The following UBE2E1 variants were observed in gnomAD, a reference collection of about 807,000 sequenced individuals.
UBE2E1 encodes ubiquitin conjugating enzyme E2 E1.
A neutral mutation model predicts 21.4 loss-of-function variants in UBE2E1; 6 were observed. That is an observed-to-expected ratio of 0.28 (90% CI 0.15 to 0.55). The LOEUF is 0.55. Ranked by LOEUF, UBE2E1 falls within the 20% of genes least tolerant of loss-of-function variation. The probability of loss-of-function intolerance (pLI) is 0.93; values close to 1 mark genes in which losing one functional copy is unlikely to be tolerated. For synonymous variants in UBE2E1, 87 were observed against 82.7 expected (o/e 1.05, Z -0.28); for missense variants, 142 against 236.5 (o/e 0.60, Z 2.62).
At chr3:23,812,938 G>A (rs115563272) in intron 3 of UBE2E1, among the ~76,000 whole-genome samples, 28 of 151,804 alleles carry the variant, frequency 1.8e-4, no homozygotes, top group African/African-American at 6.5e-4. Flanking sequence ...TTGTGAATAA[G>A]CACAGTCAAA....
intron 3 of UBE2E1, among the ~76,000 whole-genome samples, chr3:23,864,958 G>A (rs953414600): frequency 3.9e-5 from 6 of 152,204 alleles, no homozygotes; most frequent in Non-Finnish European, 7.3e-5. Context: ...CTGGTGCAGA[G>A]ACCCTCTGTT....
At chr3:23,815,723 A>G (rs1330233403) in intron 3 of UBE2E1, among the ~76,000 whole-genome samples, 1 of 152,228 alleles carries the variant, frequency 6.6e-6, no homozygotes, top group African/African-American at 2.4e-5. Flanking sequence ...TTGTTTGGGT[A>G]TAAGAAATAG....
chr3:23,879,688 C>G (rs1700992378), intron 3 of UBE2E1, among the ~76,000 whole-genome samples: 2 of 152,190 alleles, frequency 1.3e-5, no homozygotes, highest in Admixed American at 1.3e-4. Flanking sequence ...CGGCGGAGGA[C>G]AGGGCACCAG....
chr3:23,863,553 G>A lies in UBE2E1; in HGVS notation c.204-24014G>A, dbSNP rs958892798. ...ATTTTACTTTTTATTTTTTTGAGAC[G>A]GAGTTTCGCTCTTGTTGCGCAGGCT... On this transcript the variant is annotated intron_variant, in intron 3 of 5. Coordinates refer to ENST00000306627, the MANE Select transcript of UBE2E1 (RefSeq NM_003341.5). This position sits in a 1 kb window ranked among gnomAD's most constrained non-coding sequence, Gnocchi z 4.3. 2.6e-5 allele frequency among the ~76,000 whole-genome samples: 4 copies of A among 152,004 alleles called. No individual in the cohort carries two copies. Among genetic ancestry groups the A allele is most frequent in the Non-Finnish European group, 5.9e-5 (4 of 68,000 alleles).
At chr3:23,880,280 G>A (rs1559493830) in intron 3 of UBE2E1, among the ~76,000 whole-genome samples, 1 of 152,226 alleles carries the variant, frequency 6.6e-6, no homozygotes, top group African/African-American at 2.4e-5. Context: ...CTACTCAGGA[G>A]GCTGAGGCAG....
At chr3:23,889,365 A>C in intron 5 of UBE2E1, 106 bp downstream of exon 5, 1 of 1,566,570 alleles carries the variant, frequency 6.4e-7, no homozygotes, top group East Asian at 2.3e-5. Flanking sequence ...CAAGTTTGTG[A>C]ATACAAAAAC....
intron 3 of UBE2E1, among the ~76,000 whole-genome samples, chr3:23,830,788 A>G (rs188987010): frequency 9.6e-4 from 147 of 152,346 alleles, no homozygotes; most frequent in African/African-American, 3.3e-3. Context: ...AACATCAGCA[A>G]ATCAGTATAT....
chr3:23,864,330 A>G (rs549283979), intron 3 of UBE2E1, among the ~76,000 whole-genome samples: 61 of 152,082 alleles, frequency 4.0e-4, no homozygotes, highest in African/African-American at 1.3e-3. Context: ...TGCCTTTTCA[A>G]TGTGGAAACT....
chr3:23,819,161 G>A (rs1211545936), intron 3 of UBE2E1, among the ~76,000 whole-genome samples: 1 of 152,128 alleles, frequency 6.6e-6, no homozygotes, highest in African/African-American at 2.4e-5. Flanking sequence ...GCACGCGCCT[G>A]TAGTCCCAGC....
chr3:23,838,921 T>C (rs1700026620), intron 3 of UBE2E1, among the ~76,000 whole-genome samples: 2 of 151,844 alleles, frequency 1.3e-5, no homozygotes, highest in African/African-American at 4.8e-5. Context: ...TTCTCTTCTG[T>C]ATTACCAGCT....
rs556172718 is a variant in UBE2E1 at position 23,818,351 on chromosome 3, C to T, written c.203+6841C>T. Among the ~76,000 whole-genome samples, 4 of 152,218 alleles carry T rather than the reference C, an allele frequency of 2.6e-5. No individual in the cohort carries two copies. The East Asian group carries it at 7.7e-4, about 29-fold the overall frequency. ...TTATTATTAAATCAGTCATTGAACT[C>T]CCAGATCTACATGGCCTACTTTTAG... On this transcript the variant is annotated intron_variant, in intron 3 of 5. Coordinates refer to ENST00000306627, the MANE Select transcript of UBE2E1 (RefSeq NM_003341.5).
intron 1 of UBE2E1, 103 bp from the exon 2 acceptor site, chr3:23,807,134 C>A: frequency 1.0e-6 from 1 of 954,968 alleles, no homozygotes; most frequent in Non-Finnish European, 1.5e-6. Flanking sequence ...CGGTGGGCGG[C>A]CGCGTGCGCC....
chr3:23,845,579 C>G (rs1382862444), intron 3 of UBE2E1, among the ~76,000 whole-genome samples: 9 of 51,642 alleles, frequency 1.7e-4, no homozygotes, highest in Non-Finnish European at 3.3e-4. Flanking sequence ...CTCTCTCTCT[C>G]TCTCTCTCTC....
At chr3:23,872,021 C>G (rs1399233693) in intron 3 of UBE2E1, among the ~76,000 whole-genome samples, 1 of 151,898 alleles carries the variant, frequency 6.6e-6, no homozygotes, top group African/African-American at 2.4e-5. Context: ...CCAAGGCAGG[C>G]GGGTGGGAGG....
chr3:23,811,386 C>G, intron 2 of UBE2E1, 74 bp from the exon 3 acceptor site: 1 of 1,448,132 alleles, frequency 6.9e-7, no homozygotes, highest in Admixed American at 1.7e-5. Context: ...ATCTGCAGAC[C>G]TGCACGCTAC....
Position 23,810,383 on chromosome 3 carries a change from G to A in UBE2E1, c.153-1077G>A. 1 of 1,520,410 alleles carries A rather than the reference G, an allele frequency of 6.6e-7. No homozygotes were observed. The highest frequency in any genetic ancestry group is 8.8e-7 in the Non-Finnish European group (1 of 1,133,892). 94.2% of individuals were successfully genotyped at this position (1,520,410 alleles called of 1,614,324 possible). A position where few individuals can be genotyped will look rare whatever the true frequency, so the allele number is the denominator to read the frequency against. ...GCCTGGTGGCTTCGGCCTATGAGTG[G>A]GGGATGGGGCCCTTTGTGAAGTCGA... On this transcript the variant is annotated intron_variant, in intron 2 of 5. Transcript: ENST00000306627. This position sits in a 1 kb window ranked among gnomAD's most constrained non-coding sequence, Gnocchi z 5.8.
chr3:23,857,113 GAC>G (rs1700459815), intron 3 of UBE2E1, among the ~76,000 whole-genome samples: 1 of 152,052 alleles, frequency 6.6e-6, no homozygotes, highest in Non-Finnish European at 1.5e-5. Flanking sequence ...GGTAAAGTAG[GAC>G]TGAATCACAT....
At position 23,808,314 on chromosome 3, in the gene UBE2E1, A is replaced by C. The variant is rs1307466727; in HGVS notation, c.152+893A>C. 6.6e-6 allele frequency among the ~76,000 whole-genome samples: 1 copy of C among 152,034 alleles called. No individual in the cohort carries two copies. The highest frequency in any genetic ancestry group is 1.9e-4 in the East Asian group (1 of 5,190). Reference sequence around the variant, plus strand: ...TCAGTAATATCCTCTGATCGCCATGACCCTCAAAATCATCTTTAGTGGATT... The same window carrying C: ...TCAGTAATATCCTCTGATCGCCATGCCCCTCAAAATCATCTTTAGTGGATT... On this transcript the variant is annotated intron_variant, in intron 2 of 5. Coordinates refer to ENST00000306627, the MANE Select transcript of UBE2E1 (RefSeq NM_003341.5). The surrounding 1 kb of genome is among the most constrained non-coding windows in gnomAD (Gnocchi z 4.9).
At chr3:23,838,980 A>G (rs1242632602) in intron 3 of UBE2E1, among the ~76,000 whole-genome samples, 3 of 149,950 alleles carry the variant, frequency 2.0e-5, no homozygotes, top group Non-Finnish European at 1.5e-5. Context: ...ATACATCTTT[A>G]TAGAATACAT....
Sources: allele counts gnomAD v4.1 joint callset (sites outside exome capture counted in the v4.1 genomes callset), GRCh38; gene constraint gnomAD v4.1.1; non-coding constraint Gnocchi (gnomAD v3.1); transcripts MANE v1.5; gene names NCBI Gene and HGNC (gene_info 2026-07-23, HGNC 2026-07-21).